HERC1: variants seen among roughly 807,000 people sequenced by gnomAD.
HERC1 encodes the protein HECT and RLD domain containing E3 ubiquitin protein ligase family member 1.
In HERC1, 160 loss-of-function variants were observed where a neutral mutation model predicts 554.3. The observed-to-expected ratio is 0.29, with a 90% CI of 0.25 to 0.33. HERC1 has a LOEUF of 0.33. Ranked by LOEUF, HERC1 falls within the 10% of genes least tolerant of loss-of-function variation. The pLI is 1.00. For synonymous variants in HERC1, 2,175 were observed against 2,131.7 expected (o/e 1.02, Z -0.56); for missense variants, 4,919 against 5,918.5 (o/e 0.83, Z 5.54).
At position 63,654,255 on chromosome 15, in the gene HERC1, T is replaced by C. The variant is rs372663371; in HGVS notation, c.10154A>G (p.Gln3385Arg). The C allele has an allele frequency of 6.2e-7, 1 of 1,613,990 alleles. No homozygotes were observed. The highest frequency in any genetic ancestry group is 8.5e-7 in the Non-Finnish European group (1 of 1,179,882). ...LSSRLSSQHR[Q>R]WAAQQLVRTL... The stretch of plus-strand genomic sequence containing the variant: ...GCGCACGAGTTGCTGAGCTGCCCAT[T>C]GCCGATGCTGTGAGGACAGCCTGGA... Residue 3385 changes from glutamine (Q) to arginine (R), a missense_variant, in exon 51 of 78, where the codon CAA becomes CGA. Gln to Arg is a conservative substitution (Grantham distance 43, BLOSUM62 1). Coordinates refer to ENST00000443617, the MANE Select transcript of HERC1 (RefSeq NM_003922.4).
At chr15:63,649,310 G>A (rs1245456815) in intron 54 of HERC1, among the ~76,000 whole-genome samples, 2 of 152,060 alleles carry the variant, frequency 1.3e-5, no homozygotes, top group East Asian at 1.9e-4. Context: ...CCGAGATCGC[G>A]CCACTGCACT....
intron 25 of HERC1, among the ~76,000 whole-genome samples, chr15:63,700,787 C>T (rs2072677236): frequency 6.7e-6 from 1 of 149,416 alleles, no homozygotes; most frequent in Non-Finnish European, 1.5e-5. Flanking sequence ...AAAATTTCCC[C>T]AAATTGTAGA....
At chr15:63,793,607 G>A (rs1406277672) in intron 1 of HERC1, among the ~76,000 whole-genome samples, 1 of 152,154 alleles carries the variant, frequency 6.6e-6, no homozygotes, top group Non-Finnish European at 1.5e-5. Context: ...AGCCCTTGCT[G>A]CTGCTCTGCC....
At chr15:63,744,043 C>T (rs146213317) in intron 12 of HERC1, among the ~76,000 whole-genome samples, 2,538 of 150,956 alleles carry the variant, frequency 0.017, 68 homozygotes, top group African/African-American at 0.059. Flanking sequence ...TGGACAAGAT[C>T]TGGGAGAATT....
At chr15:63,830,674 A>G (rs1567173307) in intron 1 of HERC1, among the ~76,000 whole-genome samples, 1 of 152,246 alleles carries the variant, frequency 6.6e-6, no homozygotes, top group African/African-American at 2.4e-5. Flanking sequence ...AAGAGTATGT[A>G]AGAACTCTGT....
At chr15:63,804,989 G>A (rs1257567118) in intron 1 of HERC1, among the ~76,000 whole-genome samples, 1 of 151,654 alleles carries the variant, frequency 6.6e-6, no homozygotes, top group Non-Finnish European at 1.5e-5. Context: ...ATACACTGCT[G>A]GTAGAAATGT....
intron 16 of HERC1, among the ~76,000 whole-genome samples, chr15:63,728,483 G>T (rs545001484): frequency 6.0e-4 from 92 of 152,238 alleles, no homozygotes; most frequent in African/African-American, 2.1e-3. Flanking sequence ...AATGAGGAAA[G>T]GTTTCAGTTT....
intron 25 of HERC1, among the ~76,000 whole-genome samples, chr15:63,703,663 G>A (rs2072848977): frequency 6.6e-6 from 1 of 152,058 alleles, no homozygotes; most frequent in Admixed American, 6.6e-5. Context: ...CAAGGTGGGT[G>A]GACTGCTTGA....
chr15:63,806,769 G>A (rs2077152326), intron 1 of HERC1, among the ~76,000 whole-genome samples: 1 of 152,224 alleles, frequency 6.6e-6, no homozygotes, highest in Admixed American at 6.5e-5. Context: ...TGCCCAGAGA[G>A]AGATTGCCCC....
Position 63,623,793 on chromosome 15 carries a change from T to G in HERC1, c.13543A>C (p.Lys4515Gln), listed in dbSNP as rs762408566. ...TCATCAGCCCCTTCTCCAACCAGCTTAACCTTCCACGCTCGGGAAGGCAGG... is the reference window on the plus strand; with the variant it reads ...TCATCAGCCCCTTCTCCAACCAGCTGAACCTTCCACGCTCGGGAAGGCAGG... Reference protein sequence around the residue: ...LRLPSRAWKVKLVGEGADDAG... With the variant: ...LRLPSRAWKVQLVGEGADDAG... The change falls in exon 73 of 78, where the codon AAG becomes CAG. Residue 4515 changes from lysine (K) to glutamine (Q), a missense_variant. Lys to Gln is a moderately conservative substitution (Grantham distance 53). Transcript: ENST00000443617. 1 of 1,613,970 alleles carries G rather than the reference T, an allele frequency of 6.2e-7. No individual in the cohort carries two copies. Among genetic ancestry groups the G allele is most frequent in the South Asian group, 1.1e-5 (1 of 91,082 alleles).
At position 63,756,419 on chromosome 15, in the gene HERC1, C is replaced by G. The variant is rs1182941941; in HGVS notation, c.1533+18G>C. ...CAATGCATCTAATTATTTTTATAAC[C>G]AAAAAGAATGCACATACCTTTCCTT... On this transcript the variant is annotated intron_variant, in intron 5 of 77. Transcript: ENST00000443617. The surrounding 1 kb of genome is among the most constrained non-coding windows in gnomAD (Gnocchi z 5.0). 1.3e-6 allele frequency: 2 copies of G among 1,572,864 alleles called. No individual in the cohort carries two copies. The highest frequency in any genetic ancestry group is 1.9e-5 in the Admixed American group (1 of 53,708).
intron 1 of HERC1, among the ~76,000 whole-genome samples, chr15:63,808,511 C>A (rs2145161408): frequency 6.6e-6 from 1 of 152,286 alleles, no homozygotes; most frequent in Middle Eastern, 3.4e-3. Flanking sequence ...GTCTCAAACT[C>A]CTGGCCTCAA....
rs943903200 is a variant in HERC1 at position 63,811,077 on chromosome 15, A to G, written c.-27+22750T>C. ...TAGATTTAAAGAAACATAAACACCA[A>G]AAGCAATATATGAATGTGATTGGAT... On this transcript the variant is annotated intron_variant, in intron 1 of 77. Transcript: ENST00000443617. Among the ~76,000 whole-genome samples, 35 of 152,364 alleles carry G rather than the reference A, an allele frequency of 2.3e-4. 1 individual carries two copies. The highest frequency in any genetic ancestry group is 8.4e-4 in the African/African-American group (35 of 41,602).
chr15:63,826,406 A>T (rs987070665), intron 1 of HERC1, among the ~76,000 whole-genome samples: 1 of 152,208 alleles, frequency 6.6e-6, no homozygotes, highest in South Asian at 2.1e-4. Flanking sequence ...TACCATGGGT[A>T]TCAATACGTA....
At chr15:63,820,683 T>TC (rs2077658982) in intron 1 of HERC1, among the ~76,000 whole-genome samples, 1 of 151,580 alleles carries the variant, frequency 6.6e-6, no homozygotes, top group Non-Finnish European at 1.5e-5. Flanking sequence ...AGAGACGTTA[T>TC]CCTTTTTTTT....
In HERC1 at chr15:63,749,967, G is replaced by A. The variant is rs2075180452; in HGVS notation, c.1903-176C>T. On this transcript the variant is annotated intron_variant, in intron 8 of 77. Transcript: ENST00000443617. This position sits in a 1 kb window ranked among gnomAD's most constrained non-coding sequence, Gnocchi z 4.1. ...ACAGCGATTTATCATGCTGCCTTTA[G>A]GCATTCACTGTATAGGCAGAAAAAC... Among the ~76,000 whole-genome samples, 1 of 152,168 alleles carries A rather than the reference G, an allele frequency of 6.6e-6. No homozygotes were observed. The highest frequency in any genetic ancestry group is 1.5e-5 in the Non-Finnish European group (1 of 68,032).
chr15:63,700,708 C>CAAAAAAAAAAAAAA (rs11314964), intron 25 of HERC1, among the ~76,000 whole-genome samples: 2 of 64,582 alleles, frequency 3.1e-5, no homozygotes, highest in Non-Finnish European at 6.3e-5. Flanking sequence ...GACCCTGCCT[C>CAAAAAAAAAAAAAA]AAAAAAAAAA....
intron 48 of HERC1, among the ~76,000 whole-genome samples, chr15:63,657,512 G>A (rs1266067491): frequency 6.6e-6 from 1 of 151,862 alleles, no homozygotes; most frequent in Non-Finnish European, 1.5e-5. Context: ...TAATTTATAG[G>A]AATTCTTTAC....
chr15:63,733,711 G>A (rs1220584635), intron 13 of HERC1, among the ~76,000 whole-genome samples: 1 of 152,064 alleles, frequency 6.6e-6, no homozygotes, highest in African/African-American at 2.4e-5. Context: ...AATTAGCTGA[G>A]CATGGTGGTG....
Sources: gnomAD v4.1 joint callset for allele counts (sites outside exome capture counted in the v4.1 genomes callset) on GRCh38, gnomAD v4.1.1 for gene constraint, Gnocchi (gnomAD v3.1) non-coding constraint, MANE v1.5 for transcripts, NCBI Gene and HGNC (gene_info 2026-07-23, HGNC 2026-07-21) for gene names.